ARID1B: variants seen among roughly 807,000 people sequenced by gnomAD.
ARID1B encodes the protein AT-rich interaction domain 1B, also known as AT-rich interactive domain-containing protein 1B.
Under a neutral mutation model 212.3 loss-of-function variants are expected in ARID1B, and 30 were observed. That is an observed-to-expected ratio of 0.14 (90% CI 0.11 to 0.19). The LOEUF (loss-of-function observed/expected upper bound fraction) is 0.19. ARID1B is among the 10% of genes least tolerant of loss of function. The pLI is 1.00. For synonymous variants in ARID1B, 1,402 were observed against 1,301.7 expected (o/e 1.08, Z -1.66); for missense variants, 2,891 against 3,204.0 (o/e 0.90, Z 2.36).
intron 2 of ARID1B, among the ~76,000 whole-genome samples, chr6:156,849,352 C>T (rs1300173603): frequency 6.6e-6 from 1 of 151,990 alleles, no homozygotes; most frequent in African/African-American, 2.4e-5. Flanking sequence ...CCATTGATAC[C>T]TTGCTTTGTT....
intron 4 of ARID1B, among the ~76,000 whole-genome samples, chr6:157,052,909 G>A (rs1186127023): frequency 6.6e-6 from 1 of 151,178 alleles, no homozygotes; most frequent in Non-Finnish European, 1.5e-5. Context: ...TAGTAGAGAC[G>A]GGGTTTCACC....
intron 4 of ARID1B, among the ~76,000 whole-genome samples, chr6:157,029,777 A>G (rs1414118689): frequency 6.6e-6 from 1 of 152,236 alleles, no homozygotes; most frequent in Non-Finnish European, 1.5e-5. Context: ...GGCAGGACCG[A>G]GGACCTGCAA....
intron 4 of ARID1B, among the ~76,000 whole-genome samples, chr6:157,024,952 ATAAT>A (rs1214997342): frequency 6.6e-6 from 1 of 152,220 alleles, no homozygotes; most frequent in Non-Finnish European, 1.5e-5. Context: ...AGGTTGTGTA[ATAAT>A]TTTCATGACT....
intron 3 of ARID1B, among the ~76,000 whole-genome samples, chr6:156,920,162 A>G (rs1219878304): frequency 1.3e-5 from 2 of 152,190 alleles, no homozygotes; most frequent in African/African-American, 4.8e-5. Context: ...AAGCCTCCTC[A>G]TTGCACCCCT....
intron 4 of ARID1B, among the ~76,000 whole-genome samples, chr6:156,960,388 T>C (rs967843620): frequency 6.6e-6 from 1 of 152,230 alleles, no homozygotes; most frequent in African/African-American, 2.4e-5. Context: ...AAGGGAATTA[T>C]TGTCCTTAAA....
intron 7 of ARID1B, among the ~76,000 whole-genome samples, chr6:157,138,486 C>T (rs1789098884): frequency 6.6e-6 from 1 of 152,148 alleles, no homozygotes; most frequent in African/African-American, 2.4e-5. Context: ...GATCCACCCA[C>T]CTCGGCCTCC....
upstream of ARID1B, chr6:156,776,803 G>A (rs563546582): frequency 4.6e-5 from 7 of 152,366 alleles, no homozygotes; most frequent in African/African-American, 1.4e-4. Flanking sequence ...ACTGGGTACA[G>A]GCCATAGGGC....
At chr6:156,867,379 G>A (rs1785778415) in intron 2 of ARID1B, among the ~76,000 whole-genome samples, 1 of 152,130 alleles carries the variant, frequency 6.6e-6, no homozygotes, top group South Asian at 2.1e-4. Flanking sequence ...GCTGAGTGCC[G>A]GAATCCATTT....
chr6:157,002,399 A>G (rs1461696443), intron 4 of ARID1B, among the ~76,000 whole-genome samples: 1 of 152,208 alleles, frequency 6.6e-6, no homozygotes, highest in Admixed American at 6.5e-5. Context: ...AAAGCCTTCT[A>G]AATCTGTGAG....
Position 156,778,889 on chromosome 6 carries a change from CGGAGGAGGAGGAGGA to C in ARID1B, c.1220_1234del (p.Gly407_Gly411del), listed in dbSNP as rs747790383. On this transcript the variant is annotated inframe_deletion, in exon 1 of 20. Coordinates refer to ENST00000636930, the MANE Select transcript of ARID1B (RefSeq NM_001374828.1). ...GCGGCGGCGGAGGAGGAGGAGGCAGCGGAGGAGGAGGAGGAGGAGGAGGAGCAGGAGCAGGAGGAG... is the reference window on the plus strand; with the variant it reads ...GCGGCGGCGGAGGAGGAGGAGGCAGCGGAGGAGGAGCAGGAGCAGGAGGAG... 7 of 1,366,536 alleles carry C rather than the reference CGGAGGAGGAGGAGGA, an allele frequency of 5.1e-6. No individual in the cohort carries two copies. The Admixed American group carries it at 1.0e-4, about 20-fold the overall frequency. The allele number at this position is 1,366,536 out of a possible 1,614,324, so 84.7% of individuals were successfully genotyped here.
intron 8 of ARID1B, among the ~76,000 whole-genome samples, chr6:157,155,042 AT>A: frequency 6.6e-6 from 1 of 151,544 alleles, no homozygotes; most frequent in East Asian, 1.9e-4. Context: ...TGAAATCTGG[AT>A]TTTTTTTCTC....
chr6:157,007,968 G>T (rs1326988752), intron 4 of ARID1B, among the ~76,000 whole-genome samples: 1 of 151,824 alleles, frequency 6.6e-6, no homozygotes, highest in Admixed American at 6.6e-5. Flanking sequence ...GAGCCACTGC[G>T]CCCAGCCTAG....
At chr6:156,858,977 A>G (rs1299530063) in intron 2 of ARID1B, among the ~76,000 whole-genome samples, 1 of 152,184 alleles carries the variant, frequency 6.6e-6, no homozygotes, top group African/African-American at 2.4e-5. Flanking sequence ...CTAGGGCATT[A>G]CTGTACACTA....
chr6:156,956,654 C>T (rs2128314445), intron 4 of ARID1B, among the ~76,000 whole-genome samples: 1 of 152,220 alleles, frequency 6.6e-6, no homozygotes, highest in East Asian at 1.9e-4. Context: ...GCATCTCCCT[C>T]CAAAAGGAAA....
chr6:156,785,217 A>G (rs1353649394), intron 1 of ARID1B, among the ~76,000 whole-genome samples: 1 of 152,256 alleles, frequency 6.6e-6, no homozygotes, highest in African/African-American at 2.4e-5. Context: ...GCACCAGACT[A>G]AAGCCCTAAA....
At chr6:157,130,832 G>A (rs17088173) in intron 6 of ARID1B, among the ~76,000 whole-genome samples, 15,387 of 152,156 alleles carry the variant, frequency 0.1, 928 homozygotes, top group African/African-American at 0.14. Flanking sequence ...AAACCTGCCC[G>A]TCTCCAGCTA....
intron 18 of ARID1B, among the ~76,000 whole-genome samples, chr6:157,202,646 G>GTA (rs201819186): frequency 6.6e-6 from 1 of 150,952 alleles, no homozygotes; most frequent in Admixed American, 6.6e-5. Context: ...CTGTGCCACT[G>GTA]TATACACACA....
intron 1 of ARID1B, among the ~76,000 whole-genome samples, chr6:156,820,733 C>T (rs1320750523): frequency 6.6e-6 from 1 of 152,138 alleles, no homozygotes; most frequent in Non-Finnish European, 1.5e-5. Flanking sequence ...TAACCTTTTC[C>T]CCAAATTATG....
At chr6:157,181,701 C>T (rs1792549177) in intron 12 of ARID1B, among the ~76,000 whole-genome samples, 2 of 152,134 alleles carry the variant, frequency 1.3e-5, no homozygotes, top group Non-Finnish European at 1.5e-5. Flanking sequence ...GACAGGGGAG[C>T]TGCCTGGGGT....
Sources: gnomAD v4.1 joint callset for allele counts (sites outside exome capture counted in the v4.1 genomes callset) on GRCh38, gnomAD v4.1.1 for gene constraint, MANE v1.5 for transcripts, NCBI Gene and HGNC (gene_info 2026-07-23, HGNC 2026-07-21) for gene names.